The following SPATA13 variants were observed in gnomAD, a reference collection of about 807,000 sequenced individuals.
SPATA13 encodes the protein spermatogenesis-associated protein 13.
In SPATA13, 50 loss-of-function variants were observed where a neutral mutation model predicts 104.0. That is an observed-to-expected ratio of 0.48 (90% CI 0.38 to 0.61). The LOEUF is 0.61. SPATA13 is among the 20% of genes least tolerant of loss of function. The pLI is 0.00. For synonymous variants in SPATA13, 606 were observed against 667.5 expected, an observed-to-expected ratio of 0.91 and a Z score of 1.42; for missense variants, 1,524 against 1,690.6, an observed-to-expected ratio of 0.90 and a Z score of 1.73.
intron 3 of SPATA13, among the ~76,000 whole-genome samples, chr13:24,075,853 T>A (rs1028686527): frequency 6.6e-6 from 1 of 152,206 alleles, no homozygotes; most frequent in African/African-American, 2.4e-5. Context: ...GCCGCCACGC[T>A]GTCTCCCTTT....
chr13:24,214,097 G>T (rs1871165188), intron 1 of SPATA13, among the ~76,000 whole-genome samples: 1 of 152,238 alleles, frequency 6.6e-6, no homozygotes, highest in African/African-American at 2.4e-5. Context: ...ACTGAGCCTG[G>T]TGGCACATCA....
At chr13:24,043,021 T>C (rs950149211) in intron 3 of SPATA13, among the ~76,000 whole-genome samples, 1 of 152,252 alleles carries the variant, frequency 6.6e-6, no homozygotes, top group Non-Finnish European at 1.5e-5. Context: ...TAGTGAATAA[T>C]GCCAGTATTG....
intron 3 of SPATA13, among the ~76,000 whole-genome samples, chr13:24,029,189 C>G (rs73162166): frequency 6.6e-6 from 1 of 152,182 alleles, no homozygotes; most frequent in Non-Finnish European, 1.5e-5. Flanking sequence ...TCCCAAGTAG[C>G]TGGAACTTAC....
At chr13:24,244,232 C>T (rs777290154) in intron 2 of SPATA13, among the ~76,000 whole-genome samples, 2 of 152,322 alleles carry the variant, frequency 1.3e-5, no homozygotes, top group South Asian at 2.1e-4. Flanking sequence ...CACTGGATTA[C>T]GGCCCACCTA....
chr13:24,173,050 T>C (rs1883045487), intron 1 of SPATA13, among the ~76,000 whole-genome samples: 1 of 152,222 alleles, frequency 6.6e-6, no homozygotes, highest in African/African-American at 2.4e-5. Flanking sequence ...GTAGTTCATT[T>C]TTTTTGAGTC....
At chr13:24,059,578 T>G (rs184411744) in intron 3 of SPATA13, among the ~76,000 whole-genome samples, 1 of 152,240 alleles carries the variant, frequency 6.6e-6, no homozygotes, top group Non-Finnish European at 1.5e-5. Flanking sequence ...GGCTATTATA[T>G]GCTGAGGACA....
At chr13:24,278,995 T>TCCC (rs1566188428) in intron 4 of SPATA13, among the ~76,000 whole-genome samples, 121 of 106,490 alleles carry the variant, frequency 1.1e-3, no homozygotes, top group African/African-American at 1.7e-3. Flanking sequence ...CCTCCCTCCC[T>TCCC]TCCTTCCTTC....
At chr13:24,271,280 A>T (rs564276730) in intron 4 of SPATA13, among the ~76,000 whole-genome samples, 1 of 152,170 alleles carries the variant, frequency 6.6e-6, no homozygotes, top group Admixed American at 6.5e-5. Context: ...TGATATTGTT[A>T]CTAGTTTTGC....
At chr13:24,246,044 T>G (rs974970855) in intron 2 of SPATA13, among the ~76,000 whole-genome samples, 4 of 152,158 alleles carry the variant, frequency 2.6e-5, no homozygotes, top group Admixed American at 2.0e-4. Context: ...TCCTTACTTT[T>G]GGCATTACTG....
At chr13:24,135,028 C>A (rs984526782) in intron 3 of SPATA13, among the ~76,000 whole-genome samples, 3 of 152,148 alleles carry the variant, frequency 2.0e-5, no homozygotes, top group Non-Finnish European at 1.5e-5. Context: ...AGATGGCCAT[C>A]TACAAGCCAG....
intron 2 of SPATA13, among the ~76,000 whole-genome samples, chr13:24,248,179 C>G (rs1873269942): frequency 6.6e-6 from 1 of 152,236 alleles, no homozygotes; most frequent in Admixed American, 6.5e-5. Context: ...GGGGTCTGCT[C>G]AGACAACTGC....
At chr13:24,103,415 T>C (rs1462381023) in intron 3 of SPATA13, among the ~76,000 whole-genome samples, 18 of 141,118 alleles carry the variant, frequency 1.3e-4, no homozygotes, top group African/African-American at 4.5e-4. Flanking sequence ...GAACCAAGAG[T>C]TTGAGGTTAC....
Position 24,235,975 on chromosome 13 carries a change from A to T in SPATA13, c.1653+11393A>T, listed in dbSNP as rs373595594. 7.2e-4 allele frequency among the ~76,000 whole-genome samples: 109 copies of T among 152,346 alleles called. 2 individuals are homozygous for T. The South Asian group carries it at 0.023, about 32-fold the overall frequency. On this transcript the variant is annotated intron_variant, in intron 2 of 12. Coordinates refer to ENST00000382108, the MANE Select transcript of SPATA13 (RefSeq NM_001166271.3). Reference sequence around the variant, plus strand: ...CAACACTGTTGCATTCAGTTTTCACAGCCACTTGTGACATAGGTGATTTTT... The same window carrying T: ...CAACACTGTTGCATTCAGTTTTCACTGCCACTTGTGACATAGGTGATTTTT...
intron 5 of SPATA13, among the ~76,000 whole-genome samples, chr13:24,285,239 G>A (rs897444736): frequency 2.6e-5 from 4 of 152,300 alleles, no homozygotes; most frequent in Non-Finnish European, 4.4e-5. Context: ...ATCATGCTAT[G>A]TTCTCTTCAA....
At chr13:24,299,700 A>G (rs1223892427) in intron 11 of SPATA13, among the ~76,000 whole-genome samples, 1 of 152,148 alleles carries the variant, frequency 6.6e-6, no homozygotes, top group Non-Finnish European at 1.5e-5. Flanking sequence ...TGGAGCGAGT[A>G]CCTGCCTACA....
intron 3 of SPATA13, among the ~76,000 whole-genome samples, chr13:24,112,786 A>G (rs919191298): frequency 1.3e-5 from 2 of 151,988 alleles, no homozygotes. Context: ...AAGACCTTCC[A>G]TGTCTCGTAG....
At chr13:24,043,575 C>T (rs1199362225) in intron 3 of SPATA13, among the ~76,000 whole-genome samples, 1 of 152,192 alleles carries the variant, frequency 6.6e-6, no homozygotes, top group Non-Finnish European at 1.5e-5. Context: ...GCTTAGAATT[C>T]ACCATTGTCA....
intron 5 of SPATA13, among the ~76,000 whole-genome samples, chr13:24,285,383 C>G (rs11149052): frequency 1.3e-5 from 2 of 152,050 alleles, no homozygotes; most frequent in African/African-American, 2.4e-5. Context: ...GGCTCTGTGA[C>G]ATCTAGTACG....
chr13:24,160,029 AG>A (rs1220390308), upstream of SPATA13, among the ~76,000 whole-genome samples: 2 of 152,192 alleles, frequency 1.3e-5, no homozygotes, highest in Non-Finnish European at 2.9e-5. Context: ...GAAAGGTGAT[AG>A]GCCTTTGAGT....
Sources: allele counts gnomAD v4.1 joint callset (sites outside exome capture counted in the v4.1 genomes callset), GRCh38; gene constraint gnomAD v4.1.1; transcripts MANE v1.5; gene names NCBI Gene and HGNC (gene_info 2026-07-23, HGNC 2026-07-21).